Variants in SCAP observed in about 807,000 individuals in gnomAD.
SCAP encodes the protein sterol regulatory element-binding protein cleavage-activating protein.
Under a neutral mutation model 123.6 loss-of-function variants are expected in SCAP, and 65 were observed. The observed-to-expected ratio is 0.53, with a 90% CI of 0.43 to 0.65. The LOEUF (loss-of-function observed/expected upper bound fraction) is 0.65, where lower values mean the gene tolerates loss of function less well. SCAP is among the 30% of genes least tolerant of loss of function. The probability of loss-of-function intolerance (pLI) is 0.00; values close to 1 mark genes in which losing one functional copy is unlikely to be tolerated. For synonymous variants in SCAP, 740 were observed against 726.3 expected (o/e 1.02, Z -0.30); for missense variants, 1,398 against 1,712.5 (o/e 0.82, Z 3.24).
In SCAP at chr3:47,443,051, C is replaced by A; in HGVS notation, c.-58G>T. The A allele has an allele frequency of 6.2e-7, 1 of 1,609,730 alleles. No individual in the cohort carries two copies. Among genetic ancestry groups the A allele is most frequent in the Non-Finnish European group, 8.5e-7 (1 of 1,178,600 alleles). On this transcript the variant is annotated 5_prime_UTR_variant, in exon 2 of 23. Coordinates refer to ENST00000265565, the MANE Select transcript of SCAP (RefSeq NM_012235.4). The stretch of plus-strand genomic sequence containing the variant: ...AAAGTGACCATGGATCACCCTGGCA[C>A]ACACTTGACAGCACTGACAAAGAAC...
rs1373615034 is a variant in SCAP at position 47,418,737 on chromosome 3, C to A, written c.2047G>T (p.Gly683Trp). 2 of 1,601,990 alleles carry A rather than the reference C, an allele frequency of 1.2e-6. No individual in the cohort carries two copies. The highest frequency in any genetic ancestry group is 2.2e-5 in the East Asian group (1 of 44,710). Residue 683 changes from glycine to tryptophan, a missense_variant, in exon 14 of 23, where the codon GGG (glycine) becomes TGG (tryptophan). Gly to Trp is a radical substitution (Grantham distance 184). Coordinates refer to ENST00000265565, the MANE Select transcript of SCAP (RefSeq NM_012235.4). The part of the protein sequence containing the change: ...QDGRSAWPPP[G>W]PIPAGHWEAG... The stretch of plus-strand genomic sequence containing the variant: ...TCCCAGTGCCCAGCAGGTATGGGCC[C>A]CGGTGGGGGCCAGGCACTGCGGCCG...
chr3:47,461,812 T>A (rs1707650549), intron 1 of SCAP, among the ~76,000 whole-genome samples: 1 of 152,122 alleles, frequency 6.6e-6, no homozygotes, highest in Non-Finnish European at 1.5e-5. Flanking sequence ...GGCAAACAGA[T>A]CACTTCAGGT....
intron 3 of SCAP, among the ~76,000 whole-genome samples, chr3:47,429,725 C>T (rs1367561682): frequency 6.6e-6 from 1 of 152,244 alleles, no homozygotes; most frequent in Non-Finnish European, 1.5e-5. Flanking sequence ...CACAGCCACA[C>T]CCCTACCATT....
At chr3:47,442,261 G>A (rs532704912) in intron 2 of SCAP, among the ~76,000 whole-genome samples, 3 of 152,198 alleles carry the variant, frequency 2.0e-5, no homozygotes, top group Non-Finnish European at 2.9e-5. Flanking sequence ...CCTCCTTTAC[G>A]ACGTCATTGT....
chr3:47,476,807 G>GC (rs1708282365), upstream of SCAP: 1 of 153,798 alleles, frequency 6.5e-6, no homozygotes, highest in Non-Finnish European at 1.5e-5. Flanking sequence ...TAGAGACGCT[G>GC]CCCGGACCAC....
Position 47,418,475 on chromosome 3 carries a change from A to G in SCAP, c.2177T>C (p.Leu726Pro), listed in dbSNP as rs1184718848. ...GCATAGCACGCGGTAGAGGCAGAGC[A>G]GCAGCAGCACCAAGACGATGCCGGT... is the stretch of plus-strand genomic sequence containing the variant. ...LATGIVLVLLLLCLYRVLCPR... is the reference protein window; with the variant it reads ...LATGIVLVLLPLCLYRVLCPR... The change falls in exon 15 of 23, where the codon CTG becomes CCG. Residue 726 changes from leucine (L) to proline (P), a missense_variant. Coordinates refer to ENST00000265565, the MANE Select transcript of SCAP (RefSeq NM_012235.4). 1 of 1,600,840 alleles carries G rather than the reference A, an allele frequency of 6.2e-7. No individual in the cohort carries two copies.
At chr3:47,427,097 A>T (rs1706165698) in intron 6 of SCAP, 60 bp downstream of exon 6, 3 of 1,201,196 alleles carry the variant, frequency 2.5e-6, no homozygotes, top group Non-Finnish European at 3.7e-6. Flanking sequence ...AAGAGGGACT[A>T]CTCAAAGCCT....
intron 1 of SCAP, among the ~76,000 whole-genome samples, chr3:47,462,969 T>C (rs1279865486): frequency 6.6e-6 from 1 of 152,036 alleles, no homozygotes; most frequent in Non-Finnish European, 1.5e-5. Flanking sequence ...TCTCATCTGT[T>C]TGCTGATGTC....
In SCAP at chr3:47,419,386, A is replaced by C; in HGVS notation, c.1882T>G (p.Leu628Val). 1 of 1,611,134 alleles carries C rather than the reference A, an allele frequency of 6.2e-7. No individual in the cohort carries two copies. The highest frequency in any genetic ancestry group is 2.2e-5 in the East Asian group (1 of 44,778). ...GPEDEELWRK[L>V]SFRHWPTLFS... ...AGCGTCGGCCAGTGGCGGAAGGACA[A>C]TTTCCTCCAAAGTTCCTCATCCTCA... The change falls in exon 13 of 23, where the codon TTG becomes GTG. Residue 628 changes from leucine (L) to valine (V), a missense_variant. Coordinates refer to ENST00000265565, the MANE Select transcript of SCAP (RefSeq NM_012235.4). The surrounding 1 kb of genome is among the most constrained non-coding windows in gnomAD (Gnocchi z 5.0).
chr3:47,460,420 T>C (rs1248059593), intron 1 of SCAP, among the ~76,000 whole-genome samples: 1 of 152,218 alleles, frequency 6.6e-6, no homozygotes, highest in Non-Finnish European at 1.5e-5. Flanking sequence ...AAGTATTAAT[T>C]TTGGGAACTG....
At chr3:47,432,734 A>G (rs1401920855) in intron 3 of SCAP, among the ~76,000 whole-genome samples, 1 of 152,104 alleles carries the variant, frequency 6.6e-6, no homozygotes, top group East Asian at 1.9e-4. Context: ...CTGGACTGCA[A>G]TGGTGTGATC....
intron 16 of SCAP, 54 bp downstream of exon 16, chr3:47,418,080 G>A (rs1411341614): frequency 4.6e-6 from 6 of 1,293,218 alleles, no homozygotes; most frequent in Middle Eastern, 2.6e-4. Context: ...GCGGCGGGGG[G>A]TGGGGTGAGG....
Position 47,418,498 on chromosome 3 carries a change from G to C in SCAP, c.2154C>G (p.Thr718=). 1 of 1,598,454 alleles carries C rather than the reference G, an allele frequency of 6.3e-7. No individual in the cohort carries two copies. The highest frequency in any genetic ancestry group is 8.5e-7 in the Non-Finnish European group (1 of 1,173,944). ...LYKVAALGLA[T]GIVLVLLLLC... Reference sequence around the variant, plus strand: ...GCAGCAGCAGCACCAAGACGATGCCGGTGGCCAGGCCCAGCGCCGCCACCC... The same window carrying C: ...GCAGCAGCAGCACCAAGACGATGCCCGTGGCCAGGCCCAGCGCCGCCACCC... Residue 718 remains threonine (T), a synonymous_variant, in exon 15 of 23, where the codon ACC becomes ACG. Coordinates refer to ENST00000265565, the MANE Select transcript of SCAP (RefSeq NM_012235.4).
intron 19 of SCAP, 44 bp downstream of exon 19, chr3:47,415,054 C>G (rs772028780): frequency 1.3e-6 from 2 of 1,581,558 alleles, no homozygotes; most frequent in Admixed American, 1.8e-5. Context: ...GGCCCCTGCC[C>G]GTCCCACCAA....
rs749798854 is a variant in SCAP at position 47,422,523 on chromosome 3, C to T, written c.1164G>A (p.Glu388=). ...KLRIAQGLSS[E]SWSIMKNMAT... is the part of the protein sequence containing the mutation. ...CCATGTTCTTCATGATGGACCAGCT[C>T]TCGCTGCTTAGGCCTGCAGAGGGCA... Residue 388 remains glutamate, a synonymous_variant, in exon 10 of 23, where the codon GAG becomes GAA. Coordinates refer to ENST00000265565, the MANE Select transcript of SCAP (RefSeq NM_012235.4). 1 of 1,613,050 alleles carries T rather than the reference C, an allele frequency of 6.2e-7. No individual in the cohort carries two copies. Among genetic ancestry groups the T allele is most frequent in the South Asian group, 1.1e-5 (1 of 91,004 alleles).
At position 47,427,568 on chromosome 3, in the gene SCAP, C is replaced by G; in HGVS notation, c.510G>C (p.Leu170=). 12 of 1,614,204 alleles carry G rather than the reference C, an allele frequency of 7.4e-6. No homozygotes were observed. Among genetic ancestry groups the G allele is most frequent in the Non-Finnish European group, 1.0e-5 (12 of 1,180,032 alleles). Reference sequence around the variant, plus strand: ...GCCAGAAGTTCCCAGGGGACAGCAGCAGGCATCCATGCTCAGGGAGTAGGT... The same window carrying G: ...GCCAGAAGTTCCCAGGGGACAGCAGGAGGCATCCATGCTCAGGGAGTAGGT... The part of the protein sequence containing the change: ...LRNLLPEHGC[L]LLSPGNFWQN... Residue 170 remains leucine, a synonymous_variant, in exon 5 of 23, where the codon CTG becomes CTC. Transcript: ENST00000265565.
intron 2 of SCAP, among the ~76,000 whole-genome samples, chr3:47,438,058 A>C (rs1011123740): frequency 3.3e-5 from 5 of 152,216 alleles, no homozygotes; most frequent in Non-Finnish European, 7.3e-5. Context: ...ATTTAGAGGA[A>C]GAGACAGTGG....
rs1233122437 is a variant in SCAP, at chr3:47,417,591, G to A, written c.2683C>T (p.Pro895Ser). 4 of 1,597,670 alleles carry A rather than the reference G, an allele frequency of 2.5e-6. No homozygotes were observed. In the Admixed American group the frequency reaches 5.2e-5, roughly 21 times the overall value. The change falls in exon 17 of 23, where the codon CCC (proline) becomes TCC (serine). Residue 895 changes from proline to serine, a missense_variant. Pro to Ser is a moderately conservative substitution (Grantham distance 74). Transcript: ENST00000265565. ...PRSSQPTQPE[P>S]RHRAVCGRSR... ...CGGCCACAGACCGCCCGGTGCCGGG[G>A]CTCGGGCTGAGTGGGCTGTGAGGAC...
Position 47,417,748 on chromosome 3 carries a change from C to T in SCAP, c.2526G>A (p.Lys842=), listed in dbSNP as rs1327750825. ...TGTCCCCAGGCTCCTCTGGACCAGC[C>T]TTCCCACCATCTGAAAGTCGTTCCC... ...ESWERLSDGG[K]AGPEEPGDSP... Residue 842 remains lysine (K), a synonymous_variant, in exon 17 of 23, where the codon AAG becomes AAA. Transcript: ENST00000265565. 3 of 1,605,422 alleles carry T rather than the reference C, an allele frequency of 1.9e-6. No homozygotes were observed. The highest frequency in any genetic ancestry group is 2.5e-6 in the Non-Finnish European group (3 of 1,177,614).
Sources: allele counts gnomAD v4.1 joint callset (sites outside exome capture counted in the v4.1 genomes callset), GRCh38; gene constraint gnomAD v4.1.1; non-coding constraint Gnocchi (gnomAD v3.1); transcripts MANE v1.5; gene names NCBI Gene and HGNC (gene_info 2026-07-23, HGNC 2026-07-21).